CFAP47: variants seen among roughly 807,000 people sequenced by gnomAD.
The protein encoded by CFAP47 is cilia and flagella associated protein 47.
In CFAP47, 29 loss-of-function variants were observed where a neutral mutation model predicts 148.1. The observed-to-expected ratio is 0.20, with a 90% CI of 0.15 to 0.27. The LOEUF is 0.27. Among genes scored for constraint, CFAP47 ranks in the 10% least tolerant of loss-of-function variants. CFAP47 has a pLI of 1.00. For synonymous variants in CFAP47, 664 were observed against 577.3 expected, an observed-to-expected ratio of 1.15 and a Z score of -2.15; for missense variants, 1,872 against 1,697.5, an observed-to-expected ratio of 1.10 and a Z score of -1.81.
chrX:36,062,346 C>T (rs1937601361), intron 26 of CFAP47, among the ~76,000 whole-genome samples: 1 of 111,240 alleles, frequency 9.0e-6, no homozygotes, highest in African/African-American at 3.3e-5. Context: ...AATACAAGGC[C>T]AGTTATCATG....
In CFAP47 at chrX:36,175,936, G is replaced by T. The variant is rs1230231958; in HGVS notation, c.6027-3409G>T. 3.5e-5 allele frequency among the ~76,000 whole-genome samples: 4 copies of T among 112,922 alleles called. No individual in the cohort carries two copies. The Admixed American group carries it at 3.7e-4, about 11-fold the overall frequency. On this transcript the variant is annotated intron_variant, in intron 39 of 63. Transcript: ENST00000378653. ...TTGCAGTTTGATCTCAGACTGCTGT[G>T]CTAGCAATCAGCGAGACTCCGTGGG...
At chrX:36,133,747 G>A (rs16987363) in intron 33 of CFAP47, among the ~76,000 whole-genome samples, 4,662 of 106,691 alleles carry the variant, frequency 0.044, 272 homozygotes, top group African/African-American at 0.15. Context: ...GTTAATTTAA[G>A]GACAACAGAT....
At position 35,975,367 on chromosome X, in the gene CFAP47, G is replaced by A. The variant is rs1429818839; in HGVS notation, c.2471+4G>A. The A allele has an allele frequency of 3.6e-6, 4 of 1,116,141 alleles. No individual in the cohort carries two copies. The highest frequency in any genetic ancestry group is 4.9e-6 in the Non-Finnish European group (4 of 816,848). 92.0% of individuals were successfully genotyped at this position (1,116,141 alleles called of 1,213,427 possible). ...CCACCATTGGAAAATTTTGGAAGTA[G>A]GGATTATTTTTGAATTTCTGCTTGT... On this transcript the variant is annotated splice_donor_region_variant and intron_variant, in intron 14 of 63. Transcript: ENST00000378653.
At chrX:36,375,411 T>G (rs1276867651) in intron 62 of CFAP47, among the ~76,000 whole-genome samples, 1 of 112,262 alleles carries the variant, frequency 8.9e-6, no homozygotes, top group Non-Finnish European at 1.9e-5. Flanking sequence ...ATTTCAATGT[T>G]CTAAAATTTG....
intron 28 of CFAP47, 118 bp from the exon 29 acceptor site, chrX:36,073,021 G>A (rs1937783146): frequency 2.1e-6 from 1 of 469,671 alleles, no homozygotes; most frequent in Non-Finnish European, 3.6e-6. Context: ...ATTTCTTTGA[G>A]AGCATAGAAT....
At chrX:35,998,809 G>A (rs1430924485) in intron 19 of CFAP47, among the ~76,000 whole-genome samples, 3 of 111,301 alleles carry the variant, frequency 2.7e-5, no homozygotes, top group Admixed American at 1.9e-4. Context: ...CATTACTATG[G>A]CATCCTTCCT....
At chrX:36,144,546 A>G in intron 35 of CFAP47, 1 of 1,001,027 alleles carries the variant, frequency 1.0e-6, no homozygotes, top group Non-Finnish European at 1.3e-6. Flanking sequence ...ATGACTGGCA[A>G]CGTTTTGTTT....
chrX:36,306,252 A>G (rs1380474452), intron 54 of CFAP47, among the ~76,000 whole-genome samples: 2 of 111,679 alleles, frequency 1.8e-5, no homozygotes, highest in East Asian at 5.6e-4. Context: ...ACTTAAACTA[A>G]TACTGTACAG....
rs56345534 is a variant in CFAP47 at position 36,367,439 on chromosome X, G to A, written c.9185+312G>A. Among the ~76,000 whole-genome samples the A allele has an allele frequency of 5.3e-3, 594 of 112,010 alleles. 9 individuals are homozygous for A. Among genetic ancestry groups the A allele is most frequent in the African/African-American group, 0.018 (553 of 30,915 alleles). ...CTGCAAATGTCAATTGTGTTGGTACGTCAGATGGTTTAACTAAGCAGAAAT... is the reference window on the plus strand; with the variant it reads ...CTGCAAATGTCAATTGTGTTGGTACATCAGATGGTTTAACTAAGCAGAAAT... On this transcript the variant is annotated intron_variant, in intron 62 of 63. Coordinates refer to ENST00000378653, the MANE Select transcript of CFAP47 (RefSeq NM_001304548.2).
chrX:36,364,917 T>C (rs1556019972), intron 61 of CFAP47, among the ~76,000 whole-genome samples: 1 of 60,181 alleles, frequency 1.7e-5, no homozygotes, highest in Non-Finnish European at 2.6e-5. Flanking sequence ...TATATATATA[T>C]ATATATATAT....
chrX:36,004,257 G>A (rs1047470581), intron 21 of CFAP47, among the ~76,000 whole-genome samples: 3 of 110,538 alleles, frequency 2.7e-5, no homozygotes, highest in Non-Finnish European at 5.7e-5. Context: ...GATTACAGGC[G>A]TGAGCCACTG....
intron 23 of CFAP47, among the ~76,000 whole-genome samples, chrX:36,034,461 G>T (rs989936849): frequency 4.5e-5 from 5 of 110,983 alleles, no homozygotes; most frequent in Non-Finnish European, 9.5e-5. Flanking sequence ...GTGGTAGGAG[G>T]TTAAGCTCTA....
At chrX:35,922,731 C>T (rs1420059809) in intron 1 of CFAP47, among the ~76,000 whole-genome samples, 4 of 112,616 alleles carry the variant, frequency 3.6e-5, no homozygotes, top group Non-Finnish European at 5.6e-5. Context: ...CTCCACTTCT[C>T]TATATCCTTA....
intron 13 of CFAP47, 78 bp downstream of exon 13, chrX:35,972,043 A>G (rs1234986729): frequency 9.0e-6 from 6 of 668,459 alleles, no homozygotes; most frequent in Non-Finnish European, 1.1e-5. Context: ...TTTATATTTC[A>G]TAAAATTTAA....
intron 32 of CFAP47, among the ~76,000 whole-genome samples, chrX:36,103,501 GAAAAA>G (rs61501194): frequency 1.3e-4 from 2 of 15,047 alleles, no homozygotes; most frequent in East Asian, 2.0e-3. Context: ...TCATATGCCA[GAAAAA>G]AAAAAAAAAA....
rs757757678 is a variant in CFAP47 at position 35,937,363 on chromosome X, G to A, written c.402-3920G>A. Among the ~76,000 whole-genome samples, 453 of 109,035 alleles carry A rather than the reference G, an allele frequency of 4.2e-3. 2 individuals are homozygous for A. The highest frequency in any genetic ancestry group is 0.014 in the African/African-American group (424 of 30,053). 94.7% of individuals were successfully genotyped at this position (109,035 alleles called of 115,157 possible). Reference sequence around the variant, plus strand: ...AAAGAATGATTCTAACTAGGTCAGCGGGCAAAGAATACTGGGTCTGCGTGG... The same window carrying A: ...AAAGAATGATTCTAACTAGGTCAGCAGGCAAAGAATACTGGGTCTGCGTGG... On this transcript the variant is annotated intron_variant, in intron 2 of 63. Transcript: ENST00000378653.
intron 45 of CFAP47, among the ~76,000 whole-genome samples, chrX:36,227,815 G>T (rs2146900071): frequency 8.9e-6 from 1 of 111,792 alleles, no homozygotes; most frequent in South Asian, 3.7e-4. Flanking sequence ...CTTTTATTAT[G>T]TTCTTATACT....
chrX:36,227,782 A>G (rs1343555180), intron 45 of CFAP47, among the ~76,000 whole-genome samples: 1 of 112,124 alleles, frequency 8.9e-6, no homozygotes, highest in Non-Finnish European at 1.9e-5. Context: ...GACTATTTAA[A>G]TAGTTTGGCA....
At chrX:36,200,813 A>G (rs1939972291) in intron 43 of CFAP47, among the ~76,000 whole-genome samples, 1 of 112,080 alleles carries the variant, frequency 8.9e-6, no homozygotes, top group Non-Finnish European at 1.9e-5. Context: ...AAAAATCTAC[A>G]TAATGTTATA....
Sources: gnomAD v4.1 joint callset for allele counts (sites outside exome capture counted in the v4.1 genomes callset) on GRCh38, gnomAD v4.1.1 for gene constraint, MANE v1.5 for transcripts, NCBI Gene and HGNC (gene_info 2026-07-23, HGNC 2026-07-21) for gene names.